SCML4: variants seen among roughly 807,000 people sequenced by gnomAD.
SCML4 encodes Scm polycomb group protein like 4, also known as sex comb on midleg-like protein 4.
A neutral mutation model predicts 41.1 loss-of-function variants in SCML4; 34 were observed. The ratio of observed to expected loss-of-function variants is 0.83; its 90% confidence interval spans 0.63 to 1.10. The LOEUF (loss-of-function observed/expected upper bound fraction) is 1.10. SCML4 is among the 50% of genes least tolerant of loss of function. The pLI is 0.00. For missense variants in SCML4, 522 were observed against 534.1 expected (o/e 0.98, Z 0.22); for synonymous variants, 214 against 220.9 (o/e 0.97, Z 0.28).
At chr6:107,721,137 A>C in intron 5 of SCML4, 144 bp from the exon 6 acceptor site, 1 of 950,422 alleles carries the variant, frequency 1.1e-6, no homozygotes, top group Non-Finnish European at 1.5e-6. Context: ...ACCTCACAAC[A>C]TAATTCCAAA....
In SCML4 at chr6:107,772,301, T is replaced by C. The variant is rs1780588366; in HGVS notation, c.27A>G (p.Arg9=). 6.4e-7 allele frequency: 1 copy of C among 1,551,384 alleles called. No individual in the cohort carries two copies. Among genetic ancestry groups the C allele is most frequent in the Non-Finnish European group, 8.7e-7 (1 of 1,146,916 alleles). The change falls in exon 2 of 8, where the codon AGA becomes AGG. Residue 9 remains arginine, a synonymous_variant. Coordinates refer to ENST00000369020, the MANE Select transcript of SCML4 (RefSeq NM_198081.5). MQSQRIPG[R]KRGRPSLHST... ...AGTGAAGTGAGGGTCGGCCTCGCTT[T>C]CTCCCCGGGATCCTTTGAGACTGCA...
At chr6:107,810,991 T>C (rs1397424371) in intron 1 of SCML4, among the ~76,000 whole-genome samples, 5 of 151,984 alleles carry the variant, frequency 3.3e-5, no homozygotes, top group Non-Finnish European at 7.4e-5. Context: ...GGTATTATAA[T>C]AAGGATGGGG....
chr6:107,812,018 G>A (rs1314404296), intron 1 of SCML4, among the ~76,000 whole-genome samples: 3 of 152,216 alleles, frequency 2.0e-5, no homozygotes, highest in Non-Finnish European at 2.9e-5. Context: ...TCTCACTAGA[G>A]GACCAAGTTG....
intron 6 of SCML4, among the ~76,000 whole-genome samples, chr6:107,713,795 A>T (rs1774471732): frequency 6.6e-6 from 1 of 151,960 alleles, no homozygotes; most frequent in South Asian, 2.1e-4. Flanking sequence ...GGGGAGGGAG[A>T]TCTGTTCTCA....
Position 107,803,797 on chromosome 6 carries a change from G to A in SCML4, c.-60+20329C>T, listed in dbSNP as rs369515333. On this transcript the variant is annotated intron_variant, in intron 1 of 7. Coordinates refer to ENST00000369020, the MANE Select transcript of SCML4 (RefSeq NM_198081.5). ...ACATGTGCTGTGTCCACTCAGGGTT[G>A]AATGGATTAAGGGTGGTGCAAGATG... 3.3e-3 allele frequency among the ~76,000 whole-genome samples: 497 copies of A among 151,108 alleles called. 4 individuals carry two copies. The highest frequency in any genetic ancestry group is 5.8e-3 in the Non-Finnish European group (397 of 67,904).
chr6:107,733,791 C>T (rs556088535), intron 5 of SCML4, among the ~76,000 whole-genome samples: 2 of 152,320 alleles, frequency 1.3e-5, no homozygotes, highest in South Asian at 4.1e-4. Flanking sequence ...GTTTCCAACC[C>T]CTTGGATCTA....
At chr6:107,813,421 TATAA>T (rs1408289624) in intron 1 of SCML4, among the ~76,000 whole-genome samples, 832 of 11,200 alleles carry the variant, frequency 0.074, 84 homozygotes, top group South Asian at 0.11. Flanking sequence ...TATATATATA[TATAA>T]AACTGTAAAA....
intron 5 of SCML4, among the ~76,000 whole-genome samples, chr6:107,744,367 A>T (rs1317582903): frequency 6.6e-6 from 1 of 152,236 alleles, no homozygotes; most frequent in Non-Finnish European, 1.5e-5. Flanking sequence ...AAAGGTGCTC[A>T]ACCCCTAGGC....
intron 1 of SCML4, among the ~76,000 whole-genome samples, chr6:107,793,414 G>A (rs1263155051): frequency 1.3e-5 from 2 of 152,152 alleles, no homozygotes; most frequent in African/African-American, 4.8e-5. Flanking sequence ...ACCAATAACT[G>A]GGAAGCGTAC....
chr6:107,803,367 T>C (rs1314083601), intron 1 of SCML4, among the ~76,000 whole-genome samples: 76 of 151,236 alleles, frequency 5.0e-4, no homozygotes, highest in Admixed American at 4.6e-4. Context: ...CCACCCCGTC[T>C]GGGAGGGAGG....
intron 1 of SCML4, among the ~76,000 whole-genome samples, chr6:107,776,377 G>A (rs1780948187): frequency 6.6e-6 from 1 of 151,842 alleles, no homozygotes; most frequent in Non-Finnish European, 1.5e-5. Flanking sequence ...CCCAATAAAA[G>A]TGAAACTCAC....
chr6:107,726,350 G>A (rs918163286), intron 5 of SCML4, among the ~76,000 whole-genome samples: 3 of 151,554 alleles, frequency 2.0e-5, no homozygotes, highest in African/African-American at 4.8e-5. Context: ...TGGCTAACAC[G>A]GTGAAACCCC....
rs956056394 is a variant in SCML4 at position 107,702,572 on chromosome 6, G to A, written c.*2628C>T. Among the ~76,000 whole-genome samples, 3 of 152,196 alleles carry A rather than the reference G, an allele frequency of 2.0e-5. No homozygotes were observed. Among genetic ancestry groups the A allele is most frequent in the Non-Finnish European group, 2.9e-5 (2 of 68,032 alleles). On this transcript the variant is annotated 3_prime_UTR_variant, in exon 8 of 8. Transcript: ENST00000369020. The stretch of plus-strand genomic sequence containing the variant: ...AGAGGAGTGAAAAACCTGGATTGTT[G>A]TGGGATTTTTCTGGATCTCATTGTT...
chr6:107,729,427 A>T (rs1776316862), intron 5 of SCML4, among the ~76,000 whole-genome samples: 1 of 152,234 alleles, frequency 6.6e-6, no homozygotes, highest in Non-Finnish European at 1.5e-5. Context: ...TAAGGACACC[A>T]GTCATGGGAT....
At chr6:107,709,670 A>G (rs920741814) in intron 6 of SCML4, among the ~76,000 whole-genome samples, 2 of 152,186 alleles carry the variant, frequency 1.3e-5, no homozygotes, top group African/African-American at 4.8e-5. Flanking sequence ...TGCTTCCTGC[A>G]GCCTGCATGT....
intron 5 of SCML4, among the ~76,000 whole-genome samples, chr6:107,724,643 GA>G (rs199897645): frequency 2.9e-4 from 43 of 150,796 alleles, no homozygotes; most frequent in African/African-American, 7.8e-4. Flanking sequence ...TAAATAAATG[GA>G]AAAAAAAATC....
chr6:107,762,736 T>C (rs1280428696), intron 2 of SCML4, among the ~76,000 whole-genome samples: 2 of 152,068 alleles, frequency 1.3e-5, no homozygotes, highest in African/African-American at 2.4e-5. Context: ...GATTCTTCCT[T>C]ACAGGCTCAG....
intron 2 of SCML4, among the ~76,000 whole-genome samples, chr6:107,763,751 A>G: frequency 6.6e-6 from 1 of 152,216 alleles, no homozygotes; most frequent in East Asian, 1.9e-4. Context: ...CCACCATGTG[A>G]GGACACAGTA....
intron 7 of SCML4, 125 bp downstream of exon 7, chr6:107,707,741 A>G: frequency 8.3e-7 from 1 of 1,211,376 alleles, no homozygotes; most frequent in Non-Finnish European, 1.2e-6. Flanking sequence ...GGGTGCCCCT[A>G]GGGCTTAGTT....
Sources: allele counts gnomAD v4.1 joint callset (sites outside exome capture counted in the v4.1 genomes callset), GRCh38; gene constraint gnomAD v4.1.1; transcripts MANE v1.5; gene names NCBI Gene and HGNC (gene_info 2026-07-23, HGNC 2026-07-21).